The following PPARGC1B variants were observed in gnomAD, a reference collection of about 807,000 sequenced individuals.
The protein encoded by PPARGC1B is peroxisome proliferator-activated receptor gamma coactivator 1-beta.
A neutral mutation model predicts 101.6 loss-of-function variants in PPARGC1B; 34 were observed. That is an observed-to-expected ratio of 0.33 (90% CI 0.25 to 0.45). The LOEUF (loss-of-function observed/expected upper bound fraction) is 0.45, where lower values mean the gene tolerates loss of function less well. Among genes scored for constraint, PPARGC1B ranks in the 20% least tolerant of loss-of-function variants. PPARGC1B has a pLI of 1.00. For synonymous variants in PPARGC1B, 548 were observed against 539.3 expected, an observed-to-expected ratio of 1.02 and a Z score of -0.22; for missense variants, 1,234 against 1,317.6, an observed-to-expected ratio of 0.94 and a Z score of 0.98.
intron 1 of PPARGC1B, among the ~76,000 whole-genome samples, chr5:149,818,506 G>A (rs1345209237): frequency 6.6e-6 from 1 of 152,146 alleles, no homozygotes; most frequent in Non-Finnish European, 1.5e-5. Context: ...CGCCTGTGTA[G>A]GCAGGATTCT....
At chr5:149,794,016 G>A (rs1299895875) in intron 1 of PPARGC1B, among the ~76,000 whole-genome samples, 2 of 152,224 alleles carry the variant, frequency 1.3e-5, no homozygotes, top group Non-Finnish European at 2.9e-5. Context: ...GTTTATTTAT[G>A]TGTTGTCTGT....
chr5:149,776,574 A>T (rs1444413065), intron 1 of PPARGC1B, among the ~76,000 whole-genome samples: 3 of 151,962 alleles, frequency 2.0e-5, no homozygotes, highest in Non-Finnish European at 4.4e-5. Context: ...GAACTAGGGG[A>T]TCTTGAGAGC....
intron 1 of PPARGC1B, among the ~76,000 whole-genome samples, chr5:149,815,188 C>T (rs1415079368): frequency 6.6e-6 from 1 of 152,098 alleles, no homozygotes; most frequent in Non-Finnish European, 1.5e-5. Context: ...ATTGTATCCT[C>T]TCAAAAAAGG....
chr5:149,778,791 G>A (rs1756488544), intron 1 of PPARGC1B, among the ~76,000 whole-genome samples: 1 of 152,126 alleles, frequency 6.6e-6, no homozygotes, highest in Non-Finnish European at 1.5e-5. Context: ...ATAAAACCTG[G>A]CACTCATGGC....
At chr5:149,802,451 C>T (rs1328225129) in intron 1 of PPARGC1B, among the ~76,000 whole-genome samples, 1 of 152,004 alleles carries the variant, frequency 6.6e-6, no homozygotes, top group Non-Finnish European at 1.5e-5. Flanking sequence ...TCTGCTCCCA[C>T]CCTGTCCCCA....
intron 6 of PPARGC1B, 24 bp downstream of exon 6, chr5:149,834,734 G>A (rs935164763): frequency 4.4e-6 from 7 of 1,603,836 alleles, no homozygotes; most frequent in Non-Finnish European, 6.0e-6. Context: ...AATTATTGGT[G>A]TATTGTTCCA....
chr5:149,787,174 A>G (rs1756842283), intron 1 of PPARGC1B, among the ~76,000 whole-genome samples: 1 of 152,230 alleles, frequency 6.6e-6, no homozygotes, highest in African/African-American at 2.4e-5. Context: ...TTTCTTTTCC[A>G]GTAGCATCAG....
chr5:149,809,289 CATAGATAGATAGATAGATAGATAG>C lies in PPARGC1B; in HGVS notation c.79-11117_79-11094del, dbSNP rs202133455. Among the ~76,000 whole-genome samples, 72 of 12,820 alleles carry C rather than the reference CATAGATAGATAGATAGATAGATAG, an allele frequency of 5.6e-3. 4 individuals are homozygous for C. The highest frequency in any genetic ancestry group is 0.025 in the South Asian group (7 of 284). 8.4% of individuals were successfully genotyped at this position (12,820 alleles called of 152,430 possible). On this transcript the variant is annotated intron_variant, in intron 1 of 11. Transcript: ENST00000309241. ...GATAGATAGATAGATCCATCTCTAC[CATAGATAGATAGATAGATAGATAG>C]ATAGATAGATAGATAGATAGATAGA...
intron 1 of PPARGC1B, among the ~76,000 whole-genome samples, chr5:149,774,900 A>G (rs570450140): frequency 6.6e-6 from 1 of 152,194 alleles, no homozygotes; most frequent in East Asian, 1.9e-4. Context: ...GTTGGGTTCT[A>G]TCCCTACTCG....
At chr5:149,819,356 G>A (rs902095920) in intron 1 of PPARGC1B, among the ~76,000 whole-genome samples, 2 of 152,158 alleles carry the variant, frequency 1.3e-5, no homozygotes, top group Non-Finnish European at 2.9e-5. Flanking sequence ...CTTTACACAT[G>A]TGGGGTTATA....
At chr5:149,744,887 G>A (rs920409077) in intron 1 of PPARGC1B, among the ~76,000 whole-genome samples, 3 of 148,072 alleles carry the variant, frequency 2.0e-5, no homozygotes, top group Admixed American at 6.8e-5. Context: ...TTAGAGTCTG[G>A]TTCAAATTTT....
chr5:149,844,558 G>A (rs1284233073), intron 10 of PPARGC1B, among the ~76,000 whole-genome samples: 1 of 152,224 alleles, frequency 6.6e-6, no homozygotes, highest in Non-Finnish European at 1.5e-5. Flanking sequence ...AGAATCGCTT[G>A]AACCCGGAAG....
chr5:149,828,193 C>T (rs960167606), intron 3 of PPARGC1B, among the ~76,000 whole-genome samples: 6 of 152,208 alleles, frequency 3.9e-5, no homozygotes, highest in South Asian at 4.1e-4. Flanking sequence ...CCCAAAGCAG[C>T]GTGAAGCACC....
Position 149,826,862 on chromosome 5 carries a change from C to A in PPARGC1B, c.442C>A (p.Pro148Thr), listed in dbSNP as rs142757440. Residue 148 changes from proline (P) to threonine (T), a missense_variant, in exon 3 of 12, where the codon CCT (proline) becomes ACT (threonine). By Grantham distance (38) the Pro-to-Thr change is conservative. Transcript: ENST00000309241. ...CCCGGAGAAGCCCTCGGCCCCAGCC[C>A]CTGAGGTGGACGAGCTCTCACTGGT... ...PAPEKPSAPA[P>T]EVDELSLLQK... The A allele has an allele frequency of 5.6e-6, 9 of 1,612,488 alleles. No homozygotes were observed. The highest frequency in any genetic ancestry group is 2.7e-5 in the African/African-American group (2 of 74,918).
intron 1 of PPARGC1B, among the ~76,000 whole-genome samples, chr5:149,754,992 C>T (rs1234008504): frequency 6.8e-6 from 1 of 147,800 alleles, no homozygotes; most frequent in Admixed American, 6.7e-5. Context: ...TATATATACA[C>T]ACATATACAC....
At chr5:149,795,751 C>T (rs1445898202) in intron 1 of PPARGC1B, among the ~76,000 whole-genome samples, 1 of 152,084 alleles carries the variant, frequency 6.6e-6, no homozygotes, top group African/African-American at 2.4e-5. Flanking sequence ...GCAGAACCAT[C>T]CTTCCCATGT....
intron 11 of PPARGC1B, 61 bp downstream of exon 11, chr5:149,845,975 C>T: frequency 2.5e-6 from 4 of 1,604,440 alleles, no homozygotes; most frequent in Non-Finnish European, 3.4e-6. Flanking sequence ...GCAGTGCCTT[C>T]CTTGAACAAA....
chr5:149,750,302 A>T (rs986580469), intron 1 of PPARGC1B, among the ~76,000 whole-genome samples: 1 of 151,190 alleles, frequency 6.6e-6, no homozygotes, highest in Admixed American at 6.6e-5. Context: ...TTTTTTTTTT[A>T]AAGGAGCAAG....
intron 1 of PPARGC1B, among the ~76,000 whole-genome samples, chr5:149,773,326 C>G (rs1293351816): frequency 6.6e-6 from 1 of 152,258 alleles, no homozygotes; most frequent in Non-Finnish European, 1.5e-5. Flanking sequence ...GCTGCATGAC[C>G]CCGGCCTCCT....
Sources: gnomAD v4.1 joint callset for allele counts (sites outside exome capture counted in the v4.1 genomes callset) on GRCh38, gnomAD v4.1.1 for gene constraint, MANE v1.5 for transcripts, NCBI Gene and HGNC (gene_info 2026-07-23, HGNC 2026-07-21) for gene names.